The following TRAPPC9 variants were observed in gnomAD, a reference collection of about 807,000 sequenced individuals.
TRAPPC9 encodes IKK2 binding protein.
In TRAPPC9, 83 loss-of-function variants were observed where a neutral mutation model predicts 124.0. The observed-to-expected ratio is 0.67, with a 90% CI of 0.56 to 0.80. The LOEUF (loss-of-function observed/expected upper bound fraction) is 0.80. Ranked by LOEUF, TRAPPC9 falls within the 30% of genes least tolerant of loss-of-function variation. The pLI, the probability that TRAPPC9 is intolerant of heterozygous loss-of-function variation, is 0.00. For synonymous variants in TRAPPC9, 638 were observed against 617.5 expected, an observed-to-expected ratio of 1.03 and a Z score of -0.49; for missense variants, 1,302 against 1,508.3, an observed-to-expected ratio of 0.86 and a Z score of 2.27.
chr8:140,298,906 G>A (rs80315497), intron 11 of TRAPPC9, among the ~76,000 whole-genome samples: 5,074 of 152,298 alleles, frequency 0.033, 281 homozygotes, highest in African/African-American at 0.11. Context: ...GACAGCAGCT[G>A]CACACAGCCT....
At position 139,974,255 on chromosome 8, in the gene TRAPPC9, T is replaced by C. The variant is rs114898321; in HGVS notation, c.2810+14471A>G. Among the ~76,000 whole-genome samples, 535 of 152,272 alleles carry C rather than the reference T, an allele frequency of 3.5e-3. 3 individuals are homozygous for C. Among genetic ancestry groups the C allele is most frequent in the African/African-American group, 0.012 (493 of 41,554 alleles). ...AACTGTGCGCTTCTAGGAGAACAAG[T>C]TACAGACAACACAACAGAAAATGGA... On this transcript the variant is annotated intron_variant, in intron 19 of 22. Transcript: ENST00000438773.
intron 20 of TRAPPC9, chr8:139,904,660 G>C (rs1026311631): frequency 6.6e-6 from 1 of 152,232 alleles, no homozygotes; most frequent in Non-Finnish European, 1.5e-5. Context: ...TGTTTTGAAA[G>C]GGGTAGGTAC....
chr8:140,312,673 C>T (rs1209388938), intron 9 of TRAPPC9, among the ~76,000 whole-genome samples: 1 of 151,872 alleles, frequency 6.6e-6, no homozygotes, highest in East Asian at 1.9e-4. Flanking sequence ...AAGGCAAGGG[C>T]TTCATAGAGC....
chr8:139,996,182 A>AAAAAAG (rs1837976878), intron 18 of TRAPPC9, among the ~76,000 whole-genome samples: 1 of 134,042 alleles, frequency 7.5e-6, no homozygotes, highest in Non-Finnish European at 1.6e-5. Context: ...AAAAAAAAAA[A>AAAAAAG]GAAAGGAAAG....
At chr8:139,793,513 G>A (rs1025994890) in intron 21 of TRAPPC9, among the ~76,000 whole-genome samples, 3 of 152,124 alleles carry the variant, frequency 2.0e-5, no homozygotes, top group Non-Finnish European at 2.9e-5. Context: ...TGTGCCTTGC[G>A]CTGACCTGGG....
chr8:140,161,320 G>A (rs1459718470), intron 17 of TRAPPC9, among the ~76,000 whole-genome samples: 6 of 152,154 alleles, frequency 3.9e-5, no homozygotes, highest in Admixed American at 2.0e-4. Context: ...CGCAGCTAGC[G>A]TGCAGCCGAG....
intron 5 of TRAPPC9, among the ~76,000 whole-genome samples, chr8:140,407,519 TC>T (rs796323243): frequency 6.6e-6 from 1 of 151,568 alleles, no homozygotes; most frequent in Non-Finnish European, 1.5e-5. Context: ...AAGAGGGAAA[TC>T]CCCCCGACGG....
chr8:140,126,231 G>A (rs2061094269), intron 17 of TRAPPC9, among the ~76,000 whole-genome samples: 2 of 152,122 alleles, frequency 1.3e-5, no homozygotes, highest in South Asian at 4.1e-4. Context: ...CTCCAATGCG[G>A]GGTATCCACT....
Position 140,451,222 on chromosome 8 carries a change from C to T in TRAPPC9, c.152G>A (p.Arg51Gln), listed in dbSNP as rs1373484628. ...GTGCCTGTAGCGGATGTAGAGGACT[C>T]GCTGGGAGTCCCGCACGCTGATCTG... ...VSQISVRDSQ[R>Q]VLYIRYRHHY... is the part of the protein sequence containing the mutation. The change falls in exon 2 of 23, where the codon CGA becomes CAA. Residue 51 changes from arginine to glutamine, a missense_variant. Around this residue, in one of 3 missense-constraint regions of TRAPPC9, gnomAD observed 657 missense variants for 811.2 expected, o/e 0.81. Transcript: ENST00000438773. 2.8e-5 allele frequency: 45 copies of T among 1,613,930 alleles called. No homozygotes were observed. The highest frequency in any genetic ancestry group is 3.3e-5 in the Non-Finnish European group (39 of 1,180,028).
chr8:140,291,563 C>T (rs2065662057), intron 11 of TRAPPC9, among the ~76,000 whole-genome samples: 1 of 152,248 alleles, frequency 6.6e-6, no homozygotes, highest in African/African-American at 2.4e-5. Context: ...CTGACGACCT[C>T]CAAAACCCCC....
At chr8:140,008,166 G>A (rs1314303102) in intron 18 of TRAPPC9, among the ~76,000 whole-genome samples, 1 of 152,216 alleles carries the variant, frequency 6.6e-6, no homozygotes, top group Non-Finnish European at 1.5e-5. Flanking sequence ...TAAGGGATGG[G>A]ATGAAGCAGA....
At chr8:140,408,880 T>C (rs78455113) in intron 5 of TRAPPC9, among the ~76,000 whole-genome samples, 2,127 of 150,432 alleles carry the variant, frequency 0.014, 48 homozygotes, top group African/African-American at 0.038. Context: ...GAGATCTGAA[T>C]GTAAAACAGA....
At chr8:140,435,576 C>A (rs2070784954) in intron 3 of TRAPPC9, among the ~76,000 whole-genome samples, 1 of 152,226 alleles carries the variant, frequency 6.6e-6, no homozygotes, top group African/African-American at 2.4e-5. Flanking sequence ...ACGTGGCCGG[C>A]ATTCCTGCAC....
Position 140,399,121 on chromosome 8 carries a change from G to T in TRAPPC9, c.1009-1376C>A, listed in dbSNP as rs952428587. On this transcript the variant is annotated intron_variant, in intron 6 of 22. Transcript: ENST00000438773. ...GAAGTCAATAACTGAAGTTTGGGAAGTTTCCGCCTAGATTTCAGGAGATGT... is the reference window on the plus strand; with the variant it reads ...GAAGTCAATAACTGAAGTTTGGGAATTTTCCGCCTAGATTTCAGGAGATGT... 9.8e-5 allele frequency among the ~76,000 whole-genome samples: 15 copies of T among 152,362 alleles called. No individual in the cohort carries two copies. In the East Asian group the frequency reaches 2.9e-3, roughly 29 times the overall value.
At position 139,801,012 on chromosome 8, in the gene TRAPPC9, G is replaced by A. The variant is rs73362201; in HGVS notation, c.3056-68810C>T. ...CCGCTCTGGCACCTTCCCTCCCTCC[G>A]GCATCTTCCCTCCCTCCGGTACCTT... On this transcript the variant is annotated intron_variant, in intron 21 of 22. Transcript: ENST00000438773. Among the ~76,000 whole-genome samples the A allele has an allele frequency of 7.5e-3, 976 of 130,750 alleles. 14 individuals are homozygous for A. The highest frequency in any genetic ancestry group is 0.027 in the African/African-American group (927 of 33,958). 85.8% of individuals were successfully genotyped at this position (130,750 alleles called of 152,430 possible). A position where few individuals can be genotyped will look rare whatever the true frequency, so the allele number is the denominator to read the frequency against.
chr8:140,001,518 A>C (rs1838403493), intron 18 of TRAPPC9, among the ~76,000 whole-genome samples: 1 of 152,210 alleles, frequency 6.6e-6, no homozygotes, highest in South Asian at 2.1e-4. Context: ...GTAAACTAAA[A>C]AACTGATTTT....
intron 21 of TRAPPC9, among the ~76,000 whole-genome samples, chr8:139,848,668 C>T (rs1420210022): frequency 3.3e-5 from 5 of 152,042 alleles, no homozygotes; most frequent in Non-Finnish European, 5.9e-5. Flanking sequence ...ATATATATCT[C>T]CCAGCTCCCG....
chr8:139,807,896 C>T (rs1179644152), intron 21 of TRAPPC9, among the ~76,000 whole-genome samples: 2 of 152,196 alleles, frequency 1.3e-5, no homozygotes, highest in African/African-American at 2.4e-5. Flanking sequence ...TGAGCTCTGG[C>T]TGTGCCTTAG....
intron 21 of TRAPPC9, among the ~76,000 whole-genome samples, chr8:139,766,034 T>G (rs566685851): frequency 6.6e-5 from 10 of 152,370 alleles, no homozygotes; most frequent in African/African-American, 2.2e-4. Flanking sequence ...CTGTGTAATT[T>G]CCATAGATGC....
Sources: gnomAD v4.1 joint callset for allele counts (sites outside exome capture counted in the v4.1 genomes callset) on GRCh38, gnomAD v4.1.1 for gene constraint, gnomAD v4.1.1 regional missense constraint, MANE v1.5 for transcripts, NCBI Gene and HGNC (gene_info 2026-07-23, HGNC 2026-07-21) for gene names.